Variants in ZNF423 observed in about 807,000 individuals in gnomAD.
The protein encoded by ZNF423 is zinc finger protein 423, also known as Ebf-associated zinc finger protein.
ZNF423 carries 12 observed loss-of-function variants against 95.8 expected under a neutral mutation model. That is an observed-to-expected ratio of 0.13 (90% CI 0.08 to 0.20). The LOEUF (loss-of-function observed/expected upper bound fraction) is 0.20, where lower values mean the gene tolerates loss of function less well. ZNF423 is among the 10% of genes least tolerant of loss of function. ZNF423 has a pLI of 1.00. For synonymous variants in ZNF423, 749 were observed against 711.9 expected, an observed-to-expected ratio of 1.05 and a Z score of -0.83; for missense variants, 1,316 against 1,737.1, an observed-to-expected ratio of 0.76 and a Z score of 4.31.
intron 3 of ZNF423, among the ~76,000 whole-genome samples, chr16:49,656,049 A>T (rs546418651): frequency 6.6e-6 from 1 of 151,854 alleles, no homozygotes; most frequent in South Asian, 2.1e-4. Flanking sequence ...CCCGAGTCAA[A>T]GGTCTTCTGA....
In ZNF423 at chr16:49,716,769, C is replaced by G. The variant is rs76221295; in HGVS notation, c.301+14002G>C. On this transcript the variant is annotated intron_variant, in intron 3 of 7. Transcript: ENST00000563137. ...CTGATCGCCCCTCTGAGCCACTAGG[C>G]CAGTGGGCTGGGGTGCTGGGGAGGC... is the stretch of plus-strand genomic sequence containing the variant. Among the ~76,000 whole-genome samples the G allele has an allele frequency of 5.9e-3, 892 of 152,282 alleles. 10 individuals are homozygous for G. Among genetic ancestry groups the G allele is most frequent in the African/African-American group, 0.021 (854 of 41,556 alleles).
chr16:49,520,977 AT>A (rs1876861968), intron 7 of ZNF423, among the ~76,000 whole-genome samples: 1 of 152,232 alleles, frequency 6.6e-6, no homozygotes, highest in Non-Finnish European at 1.5e-5. Flanking sequence ...GTTTCTCAGT[AT>A]TTGAGGATCT....
Position 49,770,579 on chromosome 16 carries a change from C to G in ZNF423, c.100+18908G>C, listed in dbSNP as rs1203440261. Among the ~76,000 whole-genome samples, 8 of 152,092 alleles carry G rather than the reference C, an allele frequency of 5.3e-5. No individual in the cohort carries two copies. The South Asian group carries it at 1.7e-3, about 32-fold the overall frequency. On this transcript the variant is annotated intron_variant, in intron 2 of 7. Transcript: ENST00000563137. ...GGGTTCATGGAAAGGACAGGCCCCC[C>G]CAGAAGACTCACGTGCAAAGGGTTT...
chr16:49,620,556 G>T (rs1032857530), intron 5 of ZNF423, among the ~76,000 whole-genome samples: 1 of 152,026 alleles, frequency 6.6e-6, no homozygotes, highest in Admixed American at 6.5e-5. Context: ...CTGGCTGCCC[G>T]CCAGAGAGTC....
chr16:49,618,744 C>T (rs1971962274), intron 5 of ZNF423, among the ~76,000 whole-genome samples: 1 of 152,182 alleles, frequency 6.6e-6, no homozygotes, highest in Non-Finnish European at 1.5e-5. Flanking sequence ...CTCTGCCAGT[C>T]CCTAAGAGCT....
intron 5 of ZNF423, among the ~76,000 whole-genome samples, chr16:49,541,702 A>G (rs908945215): frequency 6.6e-6 from 1 of 152,108 alleles, no homozygotes; most frequent in Non-Finnish European, 1.5e-5. Flanking sequence ...CCAGGTGGAG[A>G]TAATTGAATC....
At chr16:49,498,204 G>C (rs752889914) in intron 7 of ZNF423, among the ~76,000 whole-genome samples, 2 of 152,172 alleles carry the variant, frequency 1.3e-5, no homozygotes, top group Non-Finnish European at 2.9e-5. Flanking sequence ...CCTCACGACT[G>C]CCCTGCGCAT....
At chr16:49,696,848 C>T (rs1446590544) in intron 3 of ZNF423, among the ~76,000 whole-genome samples, 2 of 152,206 alleles carry the variant, frequency 1.3e-5, no homozygotes, top group Non-Finnish European at 2.9e-5. Context: ...GACAAAGGAC[C>T]AGCCCCCTGT....
chr16:49,815,912 ATATTTTTTT>A (rs1382582807), intron 1 of ZNF423, among the ~76,000 whole-genome samples: 10 of 36,714 alleles, frequency 2.7e-4, no homozygotes, highest in African/African-American at 1.2e-3. Flanking sequence ...ATATATATAT[ATATTTTTTT>A]TTTTTTTTTT....
intron 5 of ZNF423, among the ~76,000 whole-genome samples, chr16:49,531,680 A>T (rs1968851127): frequency 6.6e-6 from 1 of 152,192 alleles, no homozygotes; most frequent in African/African-American, 2.4e-5. Context: ...GAAGGGAAGG[A>T]GAGAGTGACA....
At chr16:49,580,824 G>A (rs1375635120) in intron 5 of ZNF423, among the ~76,000 whole-genome samples, 2 of 152,066 alleles carry the variant, frequency 1.3e-5, no homozygotes, top group African/African-American at 2.4e-5. Flanking sequence ...AGCGGAGAAC[G>A]CATTCAGAGA....
chr16:49,664,299 T>C (rs2030418175), intron 3 of ZNF423: 1 of 985,578 alleles, frequency 1.0e-6, no homozygotes, highest in East Asian at 1.1e-4. Context: ...GGTGTGCTGC[T>C]CCCGCGGCGG....
intron 5 of ZNF423, among the ~76,000 whole-genome samples, chr16:49,530,298 C>T (rs1373041698): frequency 6.6e-6 from 1 of 152,156 alleles, no homozygotes; most frequent in East Asian, 1.9e-4. Flanking sequence ...GACACCTCCT[C>T]AGGGAGGCCT....
At chr16:49,646,568 C>CTTTTTT (rs1194511671) in intron 3 of ZNF423, among the ~76,000 whole-genome samples, 6 of 120,718 alleles carry the variant, frequency 5.0e-5, no homozygotes, top group South Asian at 2.6e-4. Context: ...ATTTTCTTTT[C>CTTTTTT]TTTTTCTTTT....
intron 2 of ZNF423, among the ~76,000 whole-genome samples, chr16:49,774,741 G>A (rs1335637566): frequency 6.6e-6 from 1 of 152,150 alleles, no homozygotes; most frequent in Non-Finnish European, 1.5e-5. Context: ...GGCAAGGGGA[G>A]GAGGGGACAC....
intron 2 of ZNF423, among the ~76,000 whole-genome samples, chr16:49,785,074 G>C (rs749966905): frequency 6.6e-6 from 1 of 151,826 alleles, no homozygotes; most frequent in Admixed American, 6.6e-5. Context: ...CTTTTATTTA[G>C]TTAGTTATTT....
chr16:49,789,401 T>C, intron 2 of ZNF423, 86 bp downstream of exon 2: 1 of 1,364,182 alleles, frequency 7.3e-7, no homozygotes, highest in Non-Finnish European at 1.0e-6. Context: ...GAATATCATT[T>C]CCATAACCAG....
intron 2 of ZNF423, among the ~76,000 whole-genome samples, chr16:49,785,987 G>A (rs1567342254): frequency 1.3e-5 from 2 of 152,196 alleles, no homozygotes; most frequent in Non-Finnish European, 2.9e-5. Context: ...AAAGGCACCT[G>A]TGACTCAAAA....
At chr16:49,680,751 G>A (rs918561484) in intron 3 of ZNF423, among the ~76,000 whole-genome samples, 1 of 152,216 alleles carries the variant, frequency 6.6e-6, no homozygotes, top group African/African-American at 2.4e-5. Context: ...CTTGCCTCAC[G>A]GCTCTGCACC....
Sources: gnomAD v4.1 joint callset for allele counts (sites outside exome capture counted in the v4.1 genomes callset) on GRCh38, gnomAD v4.1.1 for gene constraint, MANE v1.5 for transcripts, NCBI Gene and HGNC (gene_info 2026-07-23, HGNC 2026-07-21) for gene names.